KCNN1: variants seen among roughly 807,000 people sequenced by gnomAD.
KCNN1 encodes potassium calcium-activated channel subfamily N member 1.
In KCNN1, 20 loss-of-function variants were observed where a neutral mutation model predicts 44.7. The ratio of observed to expected loss-of-function variants is 0.45; its 90% confidence interval spans 0.32 to 0.65. The LOEUF is 0.65. KCNN1 is among the 30% of genes least tolerant of loss of function. The probability of loss-of-function intolerance (pLI) is 0.05; values close to 1 mark genes in which losing one functional copy is unlikely to be tolerated. For synonymous variants in KCNN1, 324 were observed against 341.7 expected (o/e 0.95, Z 0.57); for missense variants, 632 against 785.3 (o/e 0.80, Z 2.33).
In KCNN1 at chr19:17,983,013, C is replaced by CA. The variant is rs10574788; in HGVS notation, c.917+898dup. On this transcript the variant is annotated intron_variant, in intron 4 of 9. Transcript: ENST00000684775. This position sits in a 1 kb window ranked among gnomAD's most constrained non-coding sequence, Gnocchi z 4.5. ...TGAGATTGCGCCACTGCACTCCAGTCAAAAAAAAAAAAGACAAATAAATGG... is the reference window on the plus strand; with the variant it reads ...TGAGATTGCGCCACTGCACTCCAGTCAAAAAAAAAAAAAGACAAATAAATGG... Among the ~76,000 whole-genome samples the CA allele has an allele frequency of 1.8e-3, 254 of 144,888 alleles. No homozygotes were observed. The highest frequency in any genetic ancestry group is 3.6e-3 in the Middle Eastern group (1 of 280).
chr19:17,978,520 T>C (rs559403356), intron 3 of KCNN1, among the ~76,000 whole-genome samples: 3 of 151,038 alleles, frequency 2.0e-5, no homozygotes, highest in East Asian at 2.0e-4. Flanking sequence ...TTGTACCTCC[T>C]GGGATCAAGG....
chr19:17,987,336 T>G (rs1173199521), intron 5 of KCNN1, among the ~76,000 whole-genome samples: 3 of 151,764 alleles, frequency 2.0e-5, no homozygotes, highest in Admixed American at 2.0e-4. Flanking sequence ...TCTCGAACTC[T>G]TGACCTCAGG....
At chr19:17,994,671 G>GTAGCTGGGAT (rs1237312785) in intron 9 of KCNN1, among the ~76,000 whole-genome samples, 1 of 152,120 alleles carries the variant, frequency 6.6e-6, no homozygotes, top group Non-Finnish European at 1.5e-5. Flanking sequence ...AGCCTCCAGA[G>GTAGCTGGGAT]TAGCTGGGAT....
chr19:17,964,892 G>T (rs1039636404), upstream of KCNN1, among the ~76,000 whole-genome samples: 1 of 152,166 alleles, frequency 6.6e-6, no homozygotes, highest in African/African-American at 2.4e-5. The surrounding 1 kb of genome is among the most constrained non-coding windows in gnomAD (Gnocchi z 4.3). Context: ...GCTTCAGGGC[G>T]TGGGCAGGGG....
intron 1 of KCNN1, 120 bp from the exon 2 acceptor site, chr19:17,973,687 AC>A (rs2032100745): frequency 8.5e-7 from 1 of 1,170,204 alleles, no homozygotes; most frequent in African/African-American, 1.6e-5. Flanking sequence ...TGGTAAACCC[AC>A]GTGTCAGCAC....
At chr19:17,980,641 A>G (rs150629923) in intron 3 of KCNN1, among the ~76,000 whole-genome samples, 1,522 of 152,164 alleles carry the variant, frequency 0.01, 25 homozygotes, top group African/African-American at 0.036. Context: ...GGTTGCTCAC[A>G]CCTGTGATTC....
Position 17,993,226 on chromosome 19 carries a change from C to T in KCNN1, c.1307+164C>T, listed in dbSNP as rs540327508. 2.6e-5 allele frequency among the ~76,000 whole-genome samples: 4 copies of T among 152,268 alleles called. No individual in the cohort carries two copies. Among genetic ancestry groups the T allele is most frequent in the Admixed American group, 2.0e-4 (3 of 15,296 alleles). Reference sequence around the variant, plus strand: ...GGCTTCACCTTGGTCTGGGATCCAACTTCCTGGGGCAGTCCTGAGTTGGGC... The same window carrying T: ...GGCTTCACCTTGGTCTGGGATCCAATTTCCTGGGGCAGTCCTGAGTTGGGC... On this transcript the variant is annotated intron_variant, in intron 8 of 9. Coordinates refer to ENST00000684775, the MANE Select transcript of KCNN1 (RefSeq NM_001386974.1). This position sits in a 1 kb window ranked among gnomAD's most constrained non-coding sequence, Gnocchi z 4.5.
chr19:17,964,332 C>T (rs1324052367), upstream of KCNN1, among the ~76,000 whole-genome samples: 1 of 152,074 alleles, frequency 6.6e-6, no homozygotes, highest in African/African-American at 2.4e-5. This position sits in a 1 kb window ranked among gnomAD's most constrained non-coding sequence, Gnocchi z 4.3. Context: ...ACTCCCTGCT[C>T]CGGCCACTAC....
At chr19:17,982,241 C>T in intron 4 of KCNN1, 114 bp downstream of exon 4, 1 of 896,854 alleles carries the variant, frequency 1.1e-6, no homozygotes, top group Non-Finnish European at 1.6e-6. Flanking sequence ...GCCATTGCTT[C>T]TGTCTCCCCG....
chr19:17,956,030 C>T (rs747150297), intron 2 of KCNN1, among the ~76,000 whole-genome samples: 1 of 152,048 alleles, frequency 6.6e-6, no homozygotes, highest in African/African-American at 2.4e-5. Context: ...TCCACCCCAC[C>T]GGGTTCAAGC....
Position 17,989,747 on chromosome 19 carries a change from A to G in KCNN1, c.1202A>G (p.Glu401Gly). ...AACGCCGCTGCTAACGTTCTCAGGGAGACGTGGCTCATCTACAAACATACC... is the reference window on the plus strand; with the variant it reads ...AACGCCGCTGCTAACGTTCTCAGGGGGACGTGGCTCATCTACAAACATACC... ...VKNAAANVLR[E>G]TWLIYKHTRL... The change falls in exon 7 of 10, where the codon GAG becomes GGG. Residue 401 changes from glutamate to glycine, a missense_variant. Coordinates refer to ENST00000684775, the MANE Select transcript of KCNN1 (RefSeq NM_001386974.1). 3 of 1,613,924 alleles carry G rather than the reference A, an allele frequency of 1.9e-6. No homozygotes were observed. Among genetic ancestry groups the G allele is most frequent in the Non-Finnish European group, 1.7e-6 (2 of 1,179,878 alleles).
At chr19:17,959,427 T>G (rs1166267327) in intron 2 of KCNN1, among the ~76,000 whole-genome samples, 1 of 152,030 alleles carries the variant, frequency 6.6e-6, no homozygotes, top group African/African-American at 2.4e-5. Context: ...CTGGCTAATT[T>G]TTGTATTTTT....
chr19:17,997,598 C>T (rs1007183039), intron 9 of KCNN1, among the ~76,000 whole-genome samples: 2 of 61,342 alleles, frequency 3.3e-5, no homozygotes, highest in Non-Finnish European at 7.2e-5. Context: ...CCTGCCTCAT[C>T]CCCCCCGAGT....
upstream of KCNN1, among the ~76,000 whole-genome samples, chr19:17,963,901 A>C (rs1477475025): frequency 6.6e-6 from 1 of 151,928 alleles, no homozygotes; most frequent in African/African-American, 2.4e-5. Context: ...TAATTTTTAA[A>C]AAATTTTTGT....
intron 1 of KCNN1, chr19:17,971,950 A>T (rs566650422): frequency 6.6e-6 from 1 of 152,038 alleles, no homozygotes; most frequent in Non-Finnish European, 1.5e-5. Flanking sequence ...AGGAAGGATC[A>T]CTGGAGCCCA....
chr19:17,977,516 T>A, intron 3 of KCNN1, among the ~76,000 whole-genome samples: 1 of 151,960 alleles, frequency 6.6e-6, no homozygotes, highest in East Asian at 1.9e-4. Flanking sequence ...AATTTTTAAA[T>A]TTTTTGCTTT....
At chr19:17,963,168 A>G (rs1448589784), upstream of KCNN1, among the ~76,000 whole-genome samples, 1 of 149,356 alleles carries the variant, frequency 6.7e-6, no homozygotes, top group Non-Finnish European at 1.5e-5. Flanking sequence ...CCACCACGCC[A>G]CACCCGGCTA....
At chr19:17,958,734 G>A (rs1315941215) in intron 2 of KCNN1, among the ~76,000 whole-genome samples, 7 of 150,972 alleles carry the variant, frequency 4.6e-5, no homozygotes, top group African/African-American at 4.9e-5. Flanking sequence ...GTCTTGCCTC[G>A]TCGCCCAGGC....
chr19:17,989,798 C>T lies in KCNN1; in HGVS notation c.1253C>T (p.Ala418Val), dbSNP rs752423350. The T allele has an allele frequency of 6.2e-7, 1 of 1,613,950 alleles. No individual in the cohort carries two copies. The highest frequency in any genetic ancestry group is 8.5e-7 in the Non-Finnish European group (1 of 1,179,882). The change falls in exon 7 of 10, where the codon GCC becomes GTC. Residue 418 changes from alanine to valine, a missense_variant. Transcript: ENST00000684775. ...AGGCTGGTGAAGAAGCCAGACCAAG[C>T]CCGGGTTCGGAAACACCAGCGTAAG... ...HTRLVKKPDQ[A>V]RVRKHQRKFL...
Sources: gnomAD v4.1 joint callset for allele counts (sites outside exome capture counted in the v4.1 genomes callset) on GRCh38, gnomAD v4.1.1 for gene constraint, Gnocchi (gnomAD v3.1) non-coding constraint, MANE v1.5 for transcripts, NCBI Gene and HGNC (gene_info 2026-07-23, HGNC 2026-07-21) for gene names.